The following ATG5 variants were observed in gnomAD, a reference collection of about 807,000 sequenced individuals.
ATG5 encodes autophagy protein 5.
Under a neutral mutation model 36.5 loss-of-function variants are expected in ATG5, and 14 were observed. The observed-to-expected ratio is 0.38, with a 90% CI of 0.25 to 0.60. The LOEUF (loss-of-function observed/expected upper bound fraction) is 0.60, where lower values mean the gene tolerates loss of function less well. Among genes scored for constraint, ATG5 ranks in the 20% least tolerant of loss-of-function variants. The probability of loss-of-function intolerance (pLI) is 0.60; values close to 1 mark genes in which losing one functional copy is unlikely to be tolerated. For missense variants in ATG5, 195 were observed against 326.7 expected (o/e 0.60, Z 3.11); for synonymous variants, 95 against 101.5 (o/e 0.94, Z 0.38).
intron 6 of ATG5, among the ~76,000 whole-genome samples, chr6:106,238,179 T>C (rs1010517615): frequency 2.6e-5 from 4 of 152,226 alleles, no homozygotes; most frequent in Admixed American, 6.5e-5. Flanking sequence ...TTATTTACTT[T>C]TATTTTTTAG....
chr6:106,215,129 T>C (rs371207293), intron 6 of ATG5, among the ~76,000 whole-genome samples: 162 of 152,376 alleles, frequency 1.1e-3, no homozygotes, highest in Non-Finnish European at 2.0e-3. Context: ...TATGAACATG[T>C]TTTATCCTTT....
At chr6:106,190,804 A>C (rs960253434) in intron 7 of ATG5, among the ~76,000 whole-genome samples, 41 of 152,224 alleles carry the variant, frequency 2.7e-4, no homozygotes, top group Non-Finnish European at 5.0e-4. Context: ...TGGAAATCAC[A>C]AAGTTAAAAT....
chr6:106,315,505 T>A (rs992573439), intron 2 of ATG5, among the ~76,000 whole-genome samples: 1 of 152,104 alleles, frequency 6.6e-6, no homozygotes, highest in Non-Finnish European at 1.5e-5. Context: ...AAATACATAA[T>A]CCATTAACTC....
chr6:106,189,089 T>C (rs986771531), intron 7 of ATG5, among the ~76,000 whole-genome samples: 1 of 152,170 alleles, frequency 6.6e-6, no homozygotes, highest in Non-Finnish European at 1.5e-5. Flanking sequence ...GGCATAATAT[T>C]GTTGCTGGTA....
At chr6:106,228,740 A>G (rs1397968589) in intron 6 of ATG5, among the ~76,000 whole-genome samples, 1 of 152,102 alleles carries the variant, frequency 6.6e-6, no homozygotes, top group African/African-American at 2.4e-5. Flanking sequence ...TATCCCTTAG[A>G]ATTGGAGGAA....
At chr6:106,192,561 T>A (rs1050916383) in intron 7 of ATG5, among the ~76,000 whole-genome samples, 10 of 152,316 alleles carry the variant, frequency 6.6e-5, no homozygotes, top group African/African-American at 2.4e-4. Flanking sequence ...AATTCATACA[T>A]GTTTTTAACA....
intron 6 of ATG5, among the ~76,000 whole-genome samples, chr6:106,235,208 C>T (rs961693952): frequency 6.6e-6 from 1 of 152,122 alleles, no homozygotes; most frequent in Non-Finnish European, 1.5e-5. Context: ...TATCTTTAAC[C>T]TCCTTGTTAA....
At chr6:106,319,057 G>A (rs1344516228) in intron 1 of ATG5, among the ~76,000 whole-genome samples, 2 of 152,160 alleles carry the variant, frequency 1.3e-5, no homozygotes, top group Non-Finnish European at 2.9e-5. Flanking sequence ...ACCACTTACA[G>A]TGTAACCTCA....
intron 3 of ATG5, among the ~76,000 whole-genome samples, chr6:106,296,848 T>A (rs565288014): frequency 6.6e-6 from 1 of 152,226 alleles, no homozygotes; most frequent in East Asian, 1.9e-4. Context: ...CAGACTCCAT[T>A]CTGGAATCAG....
chr6:106,250,849 A>G (rs527337604), intron 5 of ATG5, among the ~76,000 whole-genome samples: 1 of 152,348 alleles, frequency 6.6e-6, no homozygotes, highest in South Asian at 2.1e-4. Flanking sequence ...CTCTTCTCCA[A>G]ATTCACCCTT....
At chr6:106,204,107 T>C (rs1776537307) in intron 6 of ATG5, among the ~76,000 whole-genome samples, 1 of 151,988 alleles carries the variant, frequency 6.6e-6, no homozygotes, top group African/African-American at 2.4e-5. Flanking sequence ...GGGATAGCAT[T>C]AGGAGAAATA....
At chr6:106,229,011 G>A (rs1777558023) in intron 6 of ATG5, among the ~76,000 whole-genome samples, 1 of 152,348 alleles carries the variant, frequency 6.6e-6, no homozygotes, top group Non-Finnish European at 1.5e-5. Context: ...CTACTCAACA[G>A]TCGCCCATGC....
chr6:106,188,988 C>T (rs980896182), intron 7 of ATG5, among the ~76,000 whole-genome samples: 31 of 152,054 alleles, frequency 2.0e-4, no homozygotes, highest in African/African-American at 6.3e-4. Flanking sequence ...AACTTCAAAC[C>T]GAAGTTTCTC....
At chr6:106,299,350 G>T (rs576537802) in intron 3 of ATG5, among the ~76,000 whole-genome samples, 2 of 152,066 alleles carry the variant, frequency 1.3e-5, no homozygotes, top group African/African-American at 4.8e-5. Context: ...TTTTATTGTT[G>T]TATTATTATT....
chr6:106,320,750 A>G (rs1771035116), intron 1 of ATG5, among the ~76,000 whole-genome samples: 1 of 152,238 alleles, frequency 6.6e-6, no homozygotes, highest in Non-Finnish European at 1.5e-5. Context: ...AGACTAGACC[A>G]TGAAACATAC....
chr6:106,260,493 A>T (rs918596793), intron 5 of ATG5, among the ~76,000 whole-genome samples: 1 of 152,242 alleles, frequency 6.6e-6, no homozygotes, highest in African/African-American at 2.4e-5. Context: ...CTTCTTAAGT[A>T]GAAAAGCACT....
In ATG5 at chr6:106,276,443, G is replaced by A. The variant is rs1162180619; in HGVS notation, c.478+3218C>T. Among the ~76,000 whole-genome samples, 7 of 142,708 alleles carry A rather than the reference G, an allele frequency of 4.9e-5. No homozygotes were observed. The South Asian group carries it at 6.8e-4, about 14-fold the overall frequency. 93.6% of individuals were successfully genotyped at this position (142,708 alleles called of 152,430 possible). Reference sequence around the variant, plus strand: ...CATGCCACTGCACTCCAGCCTGGGCGACAGAGCGAGACTCTGTCTCCAAAA... The same window carrying A: ...CATGCCACTGCACTCCAGCCTGGGCAACAGAGCGAGACTCTGTCTCCAAAA... On this transcript the variant is annotated intron_variant, in intron 5 of 7. Transcript: ENST00000369076.
At chr6:106,248,072 G>C (rs1022938599) in intron 6 of ATG5, 78 bp downstream of exon 6, 4 of 1,108,694 alleles carry the variant, frequency 3.6e-6, no homozygotes, top group Non-Finnish European at 5.4e-6. Flanking sequence ...TGCAGACAAA[G>C]AGTTCTACAC....
At chr6:106,257,603 T>C (rs115956400) in intron 5 of ATG5, among the ~76,000 whole-genome samples, 1,906 of 152,322 alleles carry the variant, frequency 0.013, 45 homozygotes, top group African/African-American at 0.043. Flanking sequence ...CAAATTCTGG[T>C]TCCACCTCTT....
Sources: allele counts gnomAD v4.1 joint callset (sites outside exome capture counted in the v4.1 genomes callset), GRCh38; gene constraint gnomAD v4.1.1; transcripts MANE v1.5; gene names NCBI Gene and HGNC (gene_info 2026-07-23, HGNC 2026-07-21).